The following SEMA3D variants were observed in gnomAD, a reference collection of about 807,000 sequenced individuals.
SEMA3D encodes semaphorin-3D.
Under a neutral mutation model 100.1 loss-of-function variants are expected in SEMA3D, and 84 were observed. The observed-to-expected ratio is 0.84, with a 90% CI of 0.70 to 1.01. The LOEUF (loss-of-function observed/expected upper bound fraction) is 1.01, where lower values mean the gene tolerates loss of function less well. Ranked by LOEUF, SEMA3D falls within the 50% of genes least tolerant of loss-of-function variation. The pLI is 0.00. For missense variants in SEMA3D, 875 were observed against 934.1 expected, an observed-to-expected ratio of 0.94 and a Z score of 0.82; for synonymous variants, 312 against 320.7, an observed-to-expected ratio of 0.97 and a Z score of 0.29.
At chr7:85,044,450 T>G (rs1280707515) in intron 9 of SEMA3D, among the ~76,000 whole-genome samples, 1 of 152,154 alleles carries the variant, frequency 6.6e-6, no homozygotes, top group Admixed American at 6.6e-5. Context: ...ATTATTTTCT[T>G]TATTTGTTCT....
intron 12 of SEMA3D, among the ~76,000 whole-genome samples, chr7:85,033,839 C>G (rs889672962): frequency 7.3e-6 from 1 of 136,674 alleles, no homozygotes; most frequent in African/African-American, 2.9e-5. Flanking sequence ...AGCTGTTTTC[C>G]CAATTTTAAT....
chr7:85,216,513 G>A, the SEMA3D span, among the ~76,000 whole-genome samples: 2 of 151,818 alleles, frequency 1.3e-5, no homozygotes, highest in Non-Finnish European at 2.9e-5. Context: ...ATTTTTTACT[G>A]TCTCACCAAG....
chr7:85,074,581 G>A (rs534259261), intron 5 of SEMA3D, among the ~76,000 whole-genome samples: 45 of 151,664 alleles, frequency 3.0e-4, no homozygotes, highest in African/African-American at 1.1e-3. Context: ...GAATAGCTAT[G>A]TCTACAGATC....
At chr7:85,037,135 GCACAT>G in intron 11 of SEMA3D, 102 bp from the exon 12 acceptor site, 2 of 1,159,636 alleles carry the variant, frequency 1.7e-6, no homozygotes, top group Non-Finnish European at 2.4e-6. Flanking sequence ...AATTTACTTA[GCACAT>G]TAAATTTGAT....
rs755509115 is a variant in SEMA3D, at chr7:84,999,784, A to G, written c.1990T>C (p.Tyr664His). ...SLQKKDSGMY[Y>H]CKAQEHTFIH... ...AAAGTGTGCTCCTGGGCTTTGCAGT[A>G]ATACATCCCAGAATCCTTCTTCTGC... The change falls in exon 19 of 19, where the codon TAC (tyrosine) becomes CAC (histidine). Residue 664 changes from tyrosine to histidine, a missense_variant. By Grantham distance (83) the Tyr-to-His change is moderately conservative. Transcript: ENST00000284136. 6.2e-7 allele frequency: 1 copy of G among 1,614,000 alleles called. No individual in the cohort carries two copies. The highest frequency in any genetic ancestry group is 1.1e-5 in the South Asian group (1 of 91,086).
intron 2 of SEMA3D, among the ~76,000 whole-genome samples, chr7:85,133,960 G>A (rs906500496): frequency 1.3e-5 from 2 of 151,852 alleles, no homozygotes; most frequent in African/African-American, 4.8e-5. Flanking sequence ...AGGAAGTCTG[G>A]AAACTCCCAT....
intron 15 of SEMA3D, among the ~76,000 whole-genome samples, chr7:85,015,767 C>A (rs1160752936): frequency 1.3e-5 from 2 of 151,742 alleles, no homozygotes; most frequent in African/African-American, 4.8e-5. Flanking sequence ...TTGAGGGATG[C>A]TATATCACAA....
chr7:85,052,576 C>T (rs532512765), intron 9 of SEMA3D, among the ~76,000 whole-genome samples: 10 of 152,094 alleles, frequency 6.6e-5, no homozygotes, highest in Admixed American at 2.6e-4. Context: ...AGTCCCACTT[C>T]CTCATAGAAC....
chr7:85,155,672 A>G (rs1372878599), intron 1 of SEMA3D, among the ~76,000 whole-genome samples: 1 of 152,214 alleles, frequency 6.6e-6, no homozygotes, highest in Non-Finnish European at 1.5e-5. Context: ...GATGTCATAC[A>G]TACATATATT....
At chr7:85,215,071 A>T in the SEMA3D span, among the ~76,000 whole-genome samples, 1 of 151,134 alleles carries the variant, frequency 6.6e-6, no homozygotes, top group African/African-American at 2.4e-5. Flanking sequence ...GATTGTTGTC[A>T]AATTTGCAGT....
intron 15 of SEMA3D, among the ~76,000 whole-genome samples, chr7:85,015,850 C>T (rs554296545): frequency 4.6e-5 from 7 of 151,770 alleles, no homozygotes; most frequent in South Asian, 2.1e-4. Flanking sequence ...GAAAGTAATG[C>T]ATTACTTCCC....
chr7:85,157,404 G>A (rs1790630109), intron 1 of SEMA3D, among the ~76,000 whole-genome samples: 1 of 152,100 alleles, frequency 6.6e-6, no homozygotes, highest in Non-Finnish European at 1.5e-5. Flanking sequence ...TTCCTGGAAA[G>A]ATGCTTTTAT....
At chr7:85,091,038 AAAG>A (rs1310869638) in intron 4 of SEMA3D, among the ~76,000 whole-genome samples, 2 of 151,402 alleles carry the variant, frequency 1.3e-5, no homozygotes, top group African/African-American at 4.9e-5. Flanking sequence ...GGAAAGAAAG[AAAG>A]AGAGAGAGAA....
At chr7:85,072,876 T>G (rs543023316) in intron 6 of SEMA3D, 86 bp downstream of exon 6, 2 of 1,124,522 alleles carry the variant, frequency 1.8e-6, no homozygotes, top group East Asian at 5.1e-5. Context: ...AGTCCTTATA[T>G]TCAAATCTGC....
intron 3 of SEMA3D, among the ~76,000 whole-genome samples, chr7:85,119,266 T>C (rs1789338768): frequency 6.6e-6 from 1 of 152,150 alleles, no homozygotes; most frequent in Non-Finnish European, 1.5e-5. Context: ...CATTACTGGG[T>C]ATATACCCCC....
chr7:85,172,228 T>C (rs952308053), intron 1 of SEMA3D, among the ~76,000 whole-genome samples: 2 of 152,042 alleles, frequency 1.3e-5, no homozygotes, highest in African/African-American at 4.8e-5. Flanking sequence ...TTATGTATCC[T>C]ATCTCTAAAA....
At chr7:85,070,485 C>A (rs1030363234) in intron 6 of SEMA3D, among the ~76,000 whole-genome samples, 1 of 152,172 alleles carries the variant, frequency 6.6e-6, no homozygotes, top group African/African-American at 2.4e-5. Flanking sequence ...CTCTTCCCAG[C>A]CACCTTAGGA....
chr7:85,159,571 T>G (rs896045655), intron 1 of SEMA3D, among the ~76,000 whole-genome samples: 2 of 152,220 alleles, frequency 1.3e-5, no homozygotes, highest in African/African-American at 4.8e-5. Flanking sequence ...TGTTGTTTTA[T>G]AAACAAGAAA....
intron 18 of SEMA3D, among the ~76,000 whole-genome samples, chr7:85,001,639 C>T (rs1789658374): frequency 6.6e-6 from 1 of 152,098 alleles, no homozygotes; most frequent in African/African-American, 2.4e-5. Context: ...TACTCTGTTT[C>T]CTATGATGAC....
Sources: gnomAD v4.1 joint callset for allele counts (sites outside exome capture counted in the v4.1 genomes callset) on GRCh38, gnomAD v4.1.1 for gene constraint, MANE v1.5 for transcripts, NCBI Gene and HGNC (gene_info 2026-07-23, HGNC 2026-07-21) for gene names.